Variants in PCSK7 observed in about 807,000 individuals in gnomAD.
PCSK7 encodes proprotein convertase subtilisin/kexin type 7, also known as lymphoma proprotein convertase.
PCSK7 carries 38 observed loss-of-function variants against 73.3 expected under a neutral mutation model. The observed-to-expected ratio is 0.52, with a 90% CI of 0.40 to 0.68. PCSK7 has a LOEUF of 0.68. Among genes scored for constraint, PCSK7 ranks in the 30% least tolerant of loss-of-function variants. The pLI, the probability that PCSK7 is intolerant of heterozygous loss-of-function variation, is 0.00. For missense variants in PCSK7, 692 were observed against 991.5 expected (o/e 0.70, Z 4.06); for synonymous variants, 296 against 383.8 (o/e 0.77, Z 2.68).
intron 5 of PCSK7, 34 bp downstream of exon 5, chr11:117,227,123 A>C: frequency 6.4e-7 from 1 of 1,551,192 alleles, no homozygotes; most frequent in Non-Finnish European, 8.7e-7. Flanking sequence ...TCACAGGAGC[A>C]GCCTACCAAG....
chr11:117,215,380 G>GTGTGTGTGTGTGTGTA (rs1164738557), intron 12 of PCSK7: 4 of 55,890 alleles, frequency 7.2e-5, no homozygotes, highest in East Asian at 9.7e-4. Flanking sequence ...GTGTGTGTGT[G>GTGTGTGTGTGTGTGTA]TATATATATA....
chr11:117,224,269 C>T (rs532625371), intron 7 of PCSK7, 53 bp from the exon 8 acceptor site: 6 of 1,587,712 alleles, frequency 3.8e-6, no homozygotes, highest in Admixed American at 1.7e-5. Flanking sequence ...GAAAGACCTC[C>T]GCCTACCACA....
intron 6 of PCSK7, chr11:117,225,316 C>G (rs1378318483): frequency 6.4e-6 from 1 of 157,144 alleles, no homozygotes; most frequent in Non-Finnish European, 1.4e-5. Context: ...CATGCCTCAG[C>G]CTCCCAAAGT....
intron 5 of PCSK7, 86 bp downstream of exon 5, chr11:117,227,071 A>G (rs1252181144): frequency 1.7e-5 from 19 of 1,088,170 alleles, no homozygotes; most frequent in Non-Finnish European, 2.4e-5. Context: ...TGGGATAAAG[A>G]TGTTTCAGAG....
intron 8 of PCSK7, chr11:117,223,603 T>G (rs956065756): frequency 2.2e-6 from 1 of 451,358 alleles, no homozygotes; most frequent in African/African-American, 2.0e-5. Context: ...GTTTTCAACA[T>G]TCATTACCCA....
chr11:117,225,976 A>G lies in PCSK7; in HGVS notation c.815T>C (p.Val272Ala), dbSNP rs761407909. Residue 272 changes from valine to alanine, a missense_variant, in exon 6 of 17, where the codon GTG (valine) becomes GCG (alanine). Physicochemically the swap from Val to Ala is moderately conservative, Grantham distance 64. Transcript: ENST00000320934. ...GATCTGATAGTGCTTGTTGAACGCC[A>G]CTGCCTCCATGCTGTCTGTGAGAGG... is the stretch of plus-strand genomic sequence containing the variant. The part of the protein sequence containing the change: ...DGPLTDSMEA[V>A]AFNKHYQIND... 1.2e-6 allele frequency: 2 copies of G among 1,612,544 alleles called. No individual in the cohort carries two copies. Among genetic ancestry groups the G allele is most frequent in the Non-Finnish European group, 1.7e-6 (2 of 1,178,578 alleles).
At chr11:117,228,402 G>A (rs760207962) in intron 3 of PCSK7, 52 bp from the exon 4 acceptor site, 4 of 1,567,148 alleles carry the variant, frequency 2.6e-6, no homozygotes, top group South Asian at 2.2e-5. Flanking sequence ...AGCCCAGAGG[G>A]AGATGAAGTT....
intron 9 of PCSK7, chr11:117,222,964 T>TCTAAAAATATGTATATTCGTC (rs2032263240): frequency 4.1e-6 from 2 of 488,600 alleles, no homozygotes; most frequent in Non-Finnish European, 7.4e-6. Flanking sequence ...ACACTTAGTT[T>TCTAAAAATATGTATATTCGTC]CTAAAAATAT....
intron 9 of PCSK7, chr11:117,221,868 G>C (rs995305335): frequency 1.3e-5 from 2 of 152,196 alleles, no homozygotes; most frequent in African/African-American, 4.8e-5. Flanking sequence ...GGTGCCCTCT[G>C]TGCACACAGC....
In PCSK7 at chr11:117,204,463, G is replaced by T. The variant is rs1350160972; in HGVS notation, c.*1534C>A. ...CACCCGTGTGGTACCTTCAGCCCTG[G>T]CCAAGCTTTGAGGCTCTGTCACTGA... On this transcript the variant is annotated 3_prime_UTR_variant, in exon 17 of 17. Coordinates refer to ENST00000320934, the MANE Select transcript of PCSK7 (RefSeq NM_004716.4). The T allele has an allele frequency of 1.3e-6, 2 of 1,554,556 alleles. No individual in the cohort carries two copies. The highest frequency in any genetic ancestry group is 1.8e-6 in the Non-Finnish European group (2 of 1,139,374).
chr11:117,210,294 A>C (rs200144299), intron 12 of PCSK7: 2 of 152,234 alleles, frequency 1.3e-5, no homozygotes, highest in East Asian at 3.9e-4. Context: ...AACAAAAACA[A>C]AAAACTACTG....
Position 117,223,285 on chromosome 11 carries a change from T to C in PCSK7, c.1078A>G (p.Met360Val), listed in dbSNP as rs780059016. ...GCACATTCTTCTGCATAGAAAGGCA[T>C]GCGTCCCTCCTCATCCACAGCTCCT... ...TIGAVDEEGR[M>V]PFYAEECASM... Residue 360 changes from methionine (M) to valine (V), a missense_variant, in exon 9 of 17, where the codon ATG becomes GTG. Physicochemically the swap from Met to Val is conservative, Grantham distance 21. Around this residue, in one of 6 missense-constraint regions of PCSK7, gnomAD observed 574 missense variants for 689.8 expected, o/e 0.83. Coordinates refer to ENST00000320934, the MANE Select transcript of PCSK7 (RefSeq NM_004716.4). 16 of 1,612,258 alleles carry C rather than the reference T, an allele frequency of 9.9e-6. No individual in the cohort carries two copies. The highest frequency in any genetic ancestry group is 2.7e-5 in the African/African-American group (2 of 74,918).
At chr11:117,224,677 A>T in intron 7 of PCSK7, 24 bp downstream of exon 7, 1 of 1,598,300 alleles carries the variant, frequency 6.3e-7, no homozygotes, top group Middle Eastern at 1.7e-4. Context: ...CCCGTTTCTC[A>T]GAGTCTTTGT....
At position 117,224,137 on chromosome 11, in the gene PCSK7, T is replaced by A. The variant is rs2032316641; in HGVS notation, c.995A>T (p.Gln332Leu). The A allele has an allele frequency of 1.9e-6, 3 of 1,614,200 alleles. No homozygotes were observed. Among genetic ancestry groups the A allele is most frequent in the Non-Finnish European group, 2.5e-6 (3 of 1,180,024 alleles). ...ATCGTAGTTGCAGTTGTCGTTGTGTTGGCCTCCGTTGCCACTGGCTACCAC... is the reference window on the plus strand; with the variant it reads ...ATCGTAGTTGCAGTTGTCGTTGTGTAGGCCTCCGTTGCCACTGGCTACCAC... ...IFVVASGNGG[Q>L]HNDNCNYDGY... The change falls in exon 8 of 17, where the codon CAA becomes CTA. Residue 332 changes from glutamine (Q) to leucine (L), a missense_variant. Physicochemically the swap from Gln to Leu is moderately radical, Grantham distance 113 (BLOSUM62 -2). Transcript: ENST00000320934.
chr11:117,224,204 GT>G lies in PCSK7; in HGVS notation c.927del (p.Gln309HisfsTer4). On this transcript the variant is annotated frameshift_variant, in exon 8 of 17. Transcript: ENST00000320934. LOFTEE classifies it high-confidence loss of function. Reference sequence around the variant, plus strand: ...CCCTGGCGACCAGCAATCACCCCATGTTGTAAGGCAGCCTGAGGAGCCAAAA... The same window carrying G: ...CCCTGGCGACCAGCAATCACCCCATGTGTAAGGCAGCCTGAGGAGCCAAAA... The part of the protein sequence containing the change: ...GPHQLGKAAL[Q>X]HGVIAGRQGF... The G allele has an allele frequency of 6.2e-7, 1 of 1,614,166 alleles. No individual in the cohort carries two copies. The highest frequency in any genetic ancestry group is 1.1e-5 in the South Asian group (1 of 91,088).
Position 117,228,398 on chromosome 11 carries a change from G to A in PCSK7, c.469-48C>T, listed in dbSNP as rs775105788. ...ATACAGTGACACATAGCACAGCCCAGAGGGAGATGAAGTTATAGCTAGCAG... is the reference window on the plus strand; with the variant it reads ...ATACAGTGACACATAGCACAGCCCAAAGGGAGATGAAGTTATAGCTAGCAG... On this transcript the variant is annotated intron_variant, in intron 3 of 16. Coordinates refer to ENST00000320934, the MANE Select transcript of PCSK7 (RefSeq NM_004716.4). 1.9e-6 allele frequency: 3 copies of A among 1,580,416 alleles called. No homozygotes were observed. In the East Asian group the frequency reaches 6.7e-5, roughly 35 times the overall value.
Position 117,218,757 on chromosome 11 carries a change from T to A in PCSK7, c.1432-189A>T, listed in dbSNP as rs904752364. 1 of 566,638 alleles carries A rather than the reference T, an allele frequency of 1.8e-6. No homozygotes were observed. Among genetic ancestry groups the A allele is most frequent in the Admixed American group, 3.2e-5 (1 of 31,562 alleles). 35.1% of individuals were successfully genotyped at this position (566,638 alleles called of 1,614,324 possible). A position where few individuals can be genotyped will look rare whatever the true frequency, so the allele number is the denominator to read the frequency against. The stretch of plus-strand genomic sequence containing the variant: ...TGGAATGCTCCGTACAGCCCCCAGC[T>A]AAGGAACCAGAGGAAACAGCTGTGT... On this transcript the variant is annotated intron_variant, in intron 11 of 16. Transcript: ENST00000320934. This position sits in a 1 kb window ranked among gnomAD's most constrained non-coding sequence, Gnocchi z 4.0.
intron 5 of PCSK7, chr11:117,226,832 G>A (rs2032448471): frequency 4.7e-6 from 1 of 212,518 alleles, no homozygotes; most frequent in Non-Finnish European, 8.6e-6. Context: ...ACCATCAGTG[G>A]GACTGGGAGC....
rs1276397179 is a variant in PCSK7, at chr11:117,218,247, C to G, written c.1534+219G>C. Reference sequence around the variant, plus strand: ...TCAGTTGCTCTGCTGCTCCTTTTCACTACTAGGAACCCAGGAGAAAGGTCT... The same window carrying G: ...TCAGTTGCTCTGCTGCTCCTTTTCAGTACTAGGAACCCAGGAGAAAGGTCT... On this transcript the variant is annotated intron_variant, in intron 12 of 16. Transcript: ENST00000320934. This position sits in a 1 kb window ranked among gnomAD's most constrained non-coding sequence, Gnocchi z 4.0. 1 of 215,180 alleles carries G rather than the reference C, an allele frequency of 4.6e-6. No homozygotes were observed. Among genetic ancestry groups the G allele is most frequent in the African/African-American group, 2.3e-5 (1 of 42,754 alleles). The allele number at this position is 215,180 out of a possible 1,614,324, so 13.3% of individuals were successfully genotyped here. A position where few individuals can be genotyped will look rare whatever the true frequency, so the allele number is the denominator to read the frequency against.
Sources: allele counts gnomAD v4.1 joint callset, GRCh38; gene constraint gnomAD v4.1.1; regional missense constraint gnomAD v4.1.1; non-coding constraint Gnocchi (gnomAD v3.1); transcripts MANE v1.5; gene names NCBI Gene and HGNC (gene_info 2026-07-23, HGNC 2026-07-21).